Variants in NMNAT1 observed in about 807,000 individuals in gnomAD.
NMNAT1 encodes nicotinamide/nicotinic acid mononucleotide adenylyltransferase 1.
Under a neutral mutation model 16.7 loss-of-function variants are expected in NMNAT1, and 11 were observed. The ratio of observed to expected loss-of-function variants is 0.66; its 90% CI spans 0.41 to 1.09. The LOEUF is 1.09. Among genes scored for constraint, NMNAT1 ranks in the 50% least tolerant of loss-of-function variants. The pLI, the probability that NMNAT1 is intolerant of heterozygous loss-of-function variation, is 0.00. For synonymous variants in NMNAT1, 110 were observed against 119.8 expected (o/e 0.92, Z 0.53); for missense variants, 280 against 332.3 (o/e 0.84, Z 1.22).
chr1:9,965,315 C>CAA (rs1183019689), intron 1 of NMNAT1, among the ~76,000 whole-genome samples: 8 of 51,340 alleles, frequency 1.6e-4, no homozygotes, highest in Admixed American at 4.1e-4. Flanking sequence ...GACTCCATCT[C>CAA]AAAAAAAAAA....
At chr1:9,972,381 A>G (rs1641709468) in intron 2 of NMNAT1, 193 bp downstream of exon 2, 2 of 425,866 alleles carry the variant, frequency 4.7e-6, no homozygotes, top group Admixed American at 3.9e-5. Flanking sequence ...CTGTAGTCCT[A>G]GCTACTCGGG....
intron 1 of NMNAT1, chr1:9,955,823 A>G (rs533067012): frequency 1.3e-5 from 2 of 152,252 alleles, no homozygotes; most frequent in South Asian, 2.1e-4. Context: ...ACACTTACCA[A>G]TTGTGAAGAA....
intron 1 of NMNAT1, among the ~76,000 whole-genome samples, chr1:9,955,079 CTT>C (rs903510960): frequency 6.8e-6 from 1 of 148,020 alleles, no homozygotes; most frequent in Non-Finnish European, 1.5e-5. Context: ...GAGGTCAGGA[CTT>C]TGAGACCAGC....
At chr1:9,966,028 G>C (rs1349278058) in intron 1 of NMNAT1, among the ~76,000 whole-genome samples, 1 of 152,038 alleles carries the variant, frequency 6.6e-6, no homozygotes, top group African/African-American at 2.4e-5. Context: ...GCTGGGCACG[G>C]TGGCTCACGC....
chr1:9,944,871 T>C (rs569528717), intron 1 of NMNAT1, among the ~76,000 whole-genome samples: 3 of 152,364 alleles, frequency 2.0e-5, no homozygotes, highest in African/African-American at 7.2e-5. Flanking sequence ...GAGAAGACTG[T>C]TGACACACTA....
intron 1 of NMNAT1, among the ~76,000 whole-genome samples, chr1:9,953,843 T>TCC (rs2101648605): frequency 7.4e-6 from 1 of 135,508 alleles, no homozygotes; most frequent in Non-Finnish European, 1.6e-5. Flanking sequence ...TCTTGCTCTC[T>TCC]TGCCCAGGCT....
At chr1:9,962,246 G>A (rs1323724902) in intron 1 of NMNAT1, among the ~76,000 whole-genome samples, 2 of 151,712 alleles carry the variant, frequency 1.3e-5, no homozygotes, top group African/African-American at 4.8e-5. Flanking sequence ...ACTTTTGGAG[G>A]CTGAGGCAGG....
intron 1 of NMNAT1, among the ~76,000 whole-genome samples, chr1:9,969,554 C>G (rs765427686): frequency 2.0e-5 from 3 of 152,116 alleles, no homozygotes; most frequent in Non-Finnish European, 4.4e-5. Flanking sequence ...GAGTTCGAGA[C>G]CAGCCTAGCT....
At chr1:9,985,592 T>A (rs567372758), downstream of NMNAT1, 1 of 152,370 alleles carries the variant, frequency 6.6e-6, no homozygotes, top group East Asian at 1.9e-4. Context: ...TCCTTGGAAC[T>A]AGAACAGTGG....
chr1:9,986,266 G>A (rs372169134), downstream of NMNAT1, among the ~76,000 whole-genome samples: 1 of 152,156 alleles, frequency 6.6e-6, no homozygotes, highest in Non-Finnish European at 1.5e-5. Flanking sequence ...GAGCCCCTAC[G>A]TACCCATTAA....
chr1:9,993,252 G>T, the NMNAT1 span, among the ~76,000 whole-genome samples: 1 of 152,132 alleles, frequency 6.6e-6, no homozygotes, highest in Non-Finnish European at 1.5e-5. Context: ...GCCTAGGTGG[G>T]TGGATCACCT....
intron 1 of NMNAT1, chr1:9,950,093 T>G (rs1251831430): frequency 6.6e-6 from 1 of 152,122 alleles, no homozygotes; most frequent in East Asian, 1.9e-4. Context: ...AATGCAGCTT[T>G]CTTTTTCTTT....
chr1:9,964,213 G>T (rs1641490975), intron 1 of NMNAT1, among the ~76,000 whole-genome samples: 1 of 151,502 alleles, frequency 6.6e-6, no homozygotes, highest in Admixed American at 6.6e-5. Context: ...TATAAAGCCA[G>T]GTGTGGTGGT....
intron 1 of NMNAT1, among the ~76,000 whole-genome samples, chr1:9,967,670 T>TA (rs35138168): frequency 0.036 from 5,432 of 150,216 alleles, 115 homozygotes; most frequent in Middle Eastern, 0.066. Flanking sequence ...TTTTGTTGAT[T>TA]AAAAAAAAAA....
At chr1:9,960,741 C>T (rs1271156216) in intron 1 of NMNAT1, 17 of 152,168 alleles carry the variant, frequency 1.1e-4, no homozygotes, top group Admixed American at 6.6e-4. Context: ...TCTCAGCAGC[C>T]AGCAGTGCAA....
chr1:9,959,148 G>A (rs192557656), intron 1 of NMNAT1, among the ~76,000 whole-genome samples: 1 of 152,270 alleles, frequency 6.6e-6, no homozygotes, highest in Admixed American at 6.5e-5. Flanking sequence ...GAGGCAGGTG[G>A]ATCACCTGAG....
intron 1 of NMNAT1, among the ~76,000 whole-genome samples, chr1:9,959,373 GAAAAAAAAAAA>G (rs70998331): frequency 8.5e-6 from 1 of 117,612 alleles, no homozygotes; most frequent in African/African-American, 3.3e-5. Context: ...CTCCATCTTG[GAAAAAAAAAAA>G]AAAAAAAAAA....
At chr1:9,986,390 T>C (rs1642045076), downstream of NMNAT1, among the ~76,000 whole-genome samples, 1 of 152,228 alleles carries the variant, frequency 6.6e-6, no homozygotes, top group African/African-American at 2.4e-5. Context: ...GTGTGAGGAA[T>C]GCTAGAGTCC....
chr1:9,972,228 C>A, intron 2 of NMNAT1, 40 bp downstream of exon 2: 1 of 1,052,064 alleles, frequency 9.5e-7, no homozygotes, highest in Non-Finnish European at 1.5e-6. Flanking sequence ...ACTAGAGAAC[C>A]AGCCGGGTGC....
Sources: gnomAD v4.1 joint callset for allele counts (sites outside exome capture counted in the v4.1 genomes callset) on GRCh38, gnomAD v4.1.1 for gene constraint, MANE v1.5 for transcripts, NCBI Gene and HGNC (gene_info 2026-07-23, HGNC 2026-07-21) for gene names.